Variants in ANPEP observed in about 807,000 individuals in gnomAD.
ANPEP encodes the protein alanyl aminopeptidase, membrane.
Under a neutral mutation model 114.6 loss-of-function variants are expected in ANPEP, and 70 were observed. That is an observed-to-expected ratio of 0.61 (90% CI 0.50 to 0.75). ANPEP has a LOEUF of 0.75. Among genes scored for constraint, ANPEP ranks in the 30% least tolerant of loss-of-function variants. The pLI is 0.00. For missense variants in ANPEP, 1,184 were observed against 1,259.5 expected, an observed-to-expected ratio of 0.94 and a Z score of 0.91; for synonymous variants, 548 against 522.3, an observed-to-expected ratio of 1.05 and a Z score of -0.67.
chr15:89,800,768 T>C (rs1382672559), intron 12 of ANPEP, among the ~76,000 whole-genome samples: 1 of 152,024 alleles, frequency 6.6e-6, no homozygotes, highest in Non-Finnish European at 1.5e-5. Flanking sequence ...TCCATGTTTG[T>C]CAGGCTGGTC....
Position 89,799,618 on chromosome 15 carries a change from ACCTCTTGCAAGAGCAGCTG to A in ANPEP, c.1820-78_1820-60del. ...TCAGAGGCCATGGGCTGACCCCTGGACCTCTTGCAAGAGCAGCTGCCCCCGCAGCCTGGCACCACCTCAC... is the reference window on the plus strand; with the variant it reads ...TCAGAGGCCATGGGCTGACCCCTGGACCCCCGCAGCCTGGCACCACCTCAC... On this transcript the variant is annotated intron_variant, in intron 12 of 20. Transcript: ENST00000300060. The surrounding 1 kb of genome is among the most constrained non-coding windows in gnomAD (Gnocchi z 4.2). The A allele has an allele frequency of 6.2e-7, 1 of 1,607,046 alleles. No individual in the cohort carries two copies. The highest frequency in any genetic ancestry group is 8.5e-7 in the Non-Finnish European group (1 of 1,175,554).
intron 1 of ANPEP, among the ~76,000 whole-genome samples, chr15:89,812,770 C>T (rs28409374): frequency 0.18 from 27,338 of 151,990 alleles, 2,655 homozygotes; most frequent in Middle Eastern, 0.32. Context: ...AAGTGATTTG[C>T]CCAAGGCCAC....
Position 89,806,465 on chromosome 15 carries a change from T to A in ANPEP, c.119A>T (p.Asn40Ile). The change falls in exon 2 of 21, where the codon AAC (asparagine) becomes ATC (isoleucine). Residue 40 changes from asparagine (N) to isoleucine (I), a missense_variant. Asn to Ile is a moderately radical substitution (Grantham distance 149). Transcript: ENST00000300060. The surrounding 1 kb of genome is among the most constrained non-coding windows in gnomAD (Gnocchi z 5.7). ...SVVYSQEKNK[N>I]ANSSPVASTT... ...GGAGGCCACGGGGGAGCTGTTGGCG[T>A]TCTTGTTCTTCTCCTGGGAGTACAC... The A allele has an allele frequency of 6.2e-7, 1 of 1,613,958 alleles. No individual in the cohort carries two copies. Among genetic ancestry groups the A allele is most frequent in the Non-Finnish European group, 8.5e-7 (1 of 1,179,924 alleles).
intron 3 of ANPEP, 29 bp from the exon 4 acceptor site, chr15:89,805,246 C>T (rs372353155): frequency 6.8e-6 from 11 of 1,613,782 alleles, no homozygotes; most frequent in South Asian, 2.2e-5. Flanking sequence ...TGTGTGAGGA[C>T]GTACCCTCCT....
intron 1 of ANPEP, among the ~76,000 whole-genome samples, chr15:89,808,007 C>T (rs1894752680): frequency 1.3e-5 from 2 of 152,148 alleles, no homozygotes; most frequent in South Asian, 2.1e-4. Context: ...TTCGGGCCTG[C>T]TTGAACCTGC....
At chr15:89,805,830 G>T in intron 2 of ANPEP, 140 bp downstream of exon 2, 1 of 1,220,248 alleles carries the variant, frequency 8.2e-7, no homozygotes, top group Non-Finnish European at 1.1e-6. Flanking sequence ...TTTGCCAGCA[G>T]CTGGAGGTGA....
chr15:89,803,343 C>T lies in ANPEP; in HGVS notation c.1504-39G>A, dbSNP rs1318067164. 1.9e-6 allele frequency: 3 copies of T among 1,613,132 alleles called. No individual in the cohort carries two copies. The East Asian group carries it at 6.7e-5, about 36-fold the overall frequency. ...GGGCACAGTGAGAGCACAGCTGGAG[C>T]CCCCCAGGCTCCCCCTCTGTGGTGG... On this transcript the variant is annotated intron_variant, in intron 9 of 20. Transcript: ENST00000300060. The surrounding 1 kb of genome is among the most constrained non-coding windows in gnomAD (Gnocchi z 4.2).
chr15:89,791,903 A>G (rs139048210), intron 18 of ANPEP, among the ~76,000 whole-genome samples: 73 of 152,304 alleles, frequency 4.8e-4, no homozygotes, highest in African/African-American at 1.8e-3. Context: ...GACAGAAGGG[A>G]AGACGAGTTG....
In ANPEP at chr15:89,803,442, C is replaced by A; in HGVS notation, c.1503G>T (p.Ala501=). The A allele has an allele frequency of 6.2e-7, 1 of 1,606,264 alleles. No homozygotes were observed. The highest frequency in any genetic ancestry group is 2.2e-5 in the East Asian group (1 of 44,522). ...LSEDVFKQGL[A]SYLHTFAYQN... is the part of the protein sequence containing the mutation. ...GGCTGGCCCAGGGTGCAGTACTCAC[C>A]GCCAGGCCCTGCTTGAATACGTCCT... is the stretch of plus-strand genomic sequence containing the variant. The change falls in exon 9 of 21, where the codon GCG becomes GCT. Residue 501 remains alanine (A), a splice_region_variant and synonymous_variant. Transcript: ENST00000300060. The surrounding 1 kb of genome is among the most constrained non-coding windows in gnomAD (Gnocchi z 4.2).
rs372965981 is a variant in ANPEP, at chr15:89,804,558, G to A, written c.957C>T (p.Asn319=). Residue 319 remains asparagine (N), a synonymous_variant, in exon 5 of 21, where the codon AAC becomes AAT. Coordinates refer to ENST00000300060, the MANE Select transcript of ANPEP (RefSeq NM_001150.3). ...IAAGHGDYAL[N]VTGPILNFFA... is the part of the protein sequence containing the mutation. ...AGAAGTTAAGGATGGGGCCCGTCAC[G>A]TTCAGGGCATAATCGCCGTGGCCCG... 62 of 1,614,172 alleles carry A rather than the reference G, an allele frequency of 3.8e-5. No individual in the cohort carries two copies. The highest frequency in any genetic ancestry group is 1.7e-4 in the African/African-American group (13 of 75,062).
chr15:89,788,400 A>G (rs28787610), intron 20 of ANPEP, among the ~76,000 whole-genome samples: 46,790 of 152,144 alleles, frequency 0.31, 7,352 homozygotes, highest in African/African-American at 0.34. Context: ...ATTCCATTTT[A>G]TGAAACATCC....
chr15:89,792,134 C>T, intron 18 of ANPEP, 26 bp downstream of exon 18: 1 of 1,600,852 alleles, frequency 6.2e-7, no homozygotes, highest in Non-Finnish European at 8.5e-7. Flanking sequence ...AGGGCTCTCG[C>T]AGTCCCACCC....
At chr15:89,786,171 A>C in intron 20 of ANPEP, among the ~76,000 whole-genome samples, 1 of 152,214 alleles carries the variant, frequency 6.6e-6, no homozygotes, top group East Asian at 1.9e-4. Flanking sequence ...AGCATCAACA[A>C]GAATAAAATA....
At position 89,786,997 on chromosome 15, in the gene ANPEP, A is replaced by T. The variant is rs150417351; in HGVS notation, c.2752-1496T>A. On this transcript the variant is annotated intron_variant, in intron 20 of 20. Transcript: ENST00000300060. Reference sequence around the variant, plus strand: ...ATATCATATACAAATATTAAGTCAAAATAGATCAAATGCCTACGTTTGAGT... The same window carrying T: ...ATATCATATACAAATATTAAGTCAATATAGATCAAATGCCTACGTTTGAGT... 4.6e-5 allele frequency among the ~76,000 whole-genome samples: 7 copies of T among 152,118 alleles called. 1 individual carries two copies. Among genetic ancestry groups the T allele is most frequent in the Admixed American group, 1.3e-4 (2 of 15,256 alleles).
intron 20 of ANPEP, among the ~76,000 whole-genome samples, chr15:89,787,183 T>C (rs1014609115): frequency 5.3e-4 from 81 of 151,704 alleles, no homozygotes; most frequent in Admixed American, 5.0e-3. Context: ...GTAGCTGGGA[T>C]TACAGGCGCC....
chr15:89,804,420 T>TA lies in ANPEP; in HGVS notation c.1025-14_1025-13insT. On this transcript the variant is annotated splice_polypyrimidine_tract_variant and intron_variant, in intron 5 of 20. Coordinates refer to ENST00000300060, the MANE Select transcript of ANPEP (RefSeq NM_001150.3). ...AGGCCAATCTGGTCTGGGGAGGCGA[T>TA]GCCATTGGCAGGATGAACTCCGGGA... 6.2e-7 allele frequency: 1 copy of TA among 1,614,146 alleles called. No individual in the cohort carries two copies. Among genetic ancestry groups the TA allele is most frequent in the Admixed American group, 1.7e-5 (1 of 60,032 alleles).
At chr15:89,807,999 C>T (rs74034326) in intron 1 of ANPEP, among the ~76,000 whole-genome samples, 3,415 of 152,230 alleles carry the variant, frequency 0.022, 43 homozygotes, top group African/African-American at 0.034. Flanking sequence ...TGCCTCCATT[C>T]GGGCCTGCTT....
Position 89,803,448 on chromosome 15 carries a change from G to T in ANPEP, c.1497C>A (p.Gly499=). 1.2e-6 allele frequency: 2 copies of T among 1,605,866 alleles called. No individual in the cohort carries two copies. Among genetic ancestry groups the T allele is most frequent in the South Asian group, 2.2e-5 (2 of 90,404 alleles). ...SFLSEDVFKQ[G]LASYLHTFAY... The stretch of plus-strand genomic sequence containing the variant: ...CCCAGGGTGCAGTACTCACCGCCAG[G>T]CCCTGCTTGAATACGTCCTCGGACA... Residue 499 remains glycine (G), a synonymous_variant, in exon 9 of 21, where the codon GGC becomes GGA. Transcript: ENST00000300060. This position sits in a 1 kb window ranked among gnomAD's most constrained non-coding sequence, Gnocchi z 4.2.
intron 1 of ANPEP, among the ~76,000 whole-genome samples, chr15:89,809,503 T>C (rs968240093): frequency 1.3e-5 from 2 of 152,196 alleles, no homozygotes. Flanking sequence ...GGCTCTATAA[T>C]GAGAGGTCCC....
Sources: gnomAD v4.1 joint callset for allele counts (sites outside exome capture counted in the v4.1 genomes callset) on GRCh38, gnomAD v4.1.1 for gene constraint, Gnocchi (gnomAD v3.1) non-coding constraint, MANE v1.5 for transcripts, NCBI Gene and HGNC (gene_info 2026-07-23, HGNC 2026-07-21) for gene names.